The following HP1BP3 variants were observed in gnomAD, a reference collection of about 807,000 sequenced individuals.
The protein encoded by HP1BP3 is heterochromatin protein 1 binding protein 3.
A neutral mutation model predicts 62.5 loss-of-function variants in HP1BP3; 12 were observed. The observed-to-expected ratio is 0.19, with a 90% CI of 0.12 to 0.31. The LOEUF is 0.31. Among genes scored for constraint, HP1BP3 ranks in the 10% least tolerant of loss-of-function variants. HP1BP3 has a pLI of 1.00. For synonymous variants in HP1BP3, 260 were observed against 237.8 expected (o/e 1.09, Z -0.86); for missense variants, 502 against 651.8 (o/e 0.77, Z 2.50).
intron 4 of HP1BP3, chr1:20,773,884 A>G (rs867504674): frequency 1.2e-5 from 3 of 242,004 alleles, no homozygotes; most frequent in African/African-American, 6.7e-5. Context: ...AAGACAAATG[A>G]GAATTTTAAA....
chr1:20,786,759 G>A (rs900042680), intron 1 of HP1BP3: 1 of 152,264 alleles, frequency 6.6e-6, no homozygotes, highest in Non-Finnish European at 1.5e-5. Flanking sequence ...AAACCGCTGA[G>A]GGAGTGGGGT....
intron 5 of HP1BP3, among the ~76,000 whole-genome samples, chr1:20,771,769 C>G (rs1450145997): frequency 6.6e-6 from 1 of 152,148 alleles, no homozygotes; most frequent in Non-Finnish European, 1.5e-5. Flanking sequence ...TGGTCACTGA[C>G]TTGAAATCAA....
chr1:20,743,823 T>G lies in HP1BP3; in HGVS notation c.*974A>C, dbSNP rs1382960666. The G allele has an allele frequency of 2.0e-5, 3 of 152,000 alleles. No individual in the cohort carries two copies. The highest frequency in any genetic ancestry group is 7.3e-5 in the African/African-American group (3 of 41,318). 9.4% of individuals were successfully genotyped at this position (152,000 alleles called of 1,614,324 possible). A position where few individuals can be genotyped will look rare whatever the true frequency, so the allele number is the denominator to read the frequency against. On this transcript the variant is annotated 3_prime_UTR_variant, in exon 13 of 13. Transcript: ENST00000438032. The stretch of plus-strand genomic sequence containing the variant: ...TGGCTCACTCCTGTAATCCCAGCAC[T>G]TTGGGAGGCCGAGGCAGGCGGATCA...
chr1:20,761,300 C>G (rs1036465044), intron 8 of HP1BP3, among the ~76,000 whole-genome samples: 2 of 152,124 alleles, frequency 1.3e-5, no homozygotes, highest in African/African-American at 4.8e-5. Flanking sequence ...ACCTGCCTCC[C>G]AAAGTGCTGG....
At chr1:20,784,375 C>T (rs112694300) in intron 1 of HP1BP3, among the ~76,000 whole-genome samples, 182 of 152,186 alleles carry the variant, frequency 1.2e-3, no homozygotes, top group African/African-American at 4.3e-3. Context: ...GGTTCATTTG[C>T]TGCATACCTG....
chr1:20,760,451 G>C (rs1184922174), intron 8 of HP1BP3, among the ~76,000 whole-genome samples: 1 of 152,068 alleles, frequency 6.6e-6, no homozygotes. Flanking sequence ...CACAGTGGGA[G>C]GATCGTTTGA....
chr1:20,775,689 G>GTACCT (rs1453092919), intron 4 of HP1BP3: 10 of 294,172 alleles, frequency 3.4e-5, no homozygotes, highest in Non-Finnish European at 5.6e-5. Flanking sequence ...TATTTTTACT[G>GTACCT]TACCTTTTCT....
intron 5 of HP1BP3, among the ~76,000 whole-genome samples, chr1:20,771,772 G>A (rs2057071884): frequency 1.3e-5 from 2 of 152,108 alleles, no homozygotes; most frequent in Admixed American, 1.3e-4. Context: ...TCACTGACTT[G>A]AAATCAAATA....
intron 1 of HP1BP3, among the ~76,000 whole-genome samples, chr1:20,784,890 C>T (rs1570696748): frequency 1.3e-5 from 2 of 152,192 alleles, no homozygotes; most frequent in East Asian, 1.9e-4. Flanking sequence ...AATGTTACAA[C>T]AATAACAAAT....
chr1:20,764,056 T>C (rs1397812654), intron 8 of HP1BP3, among the ~76,000 whole-genome samples: 2 of 152,222 alleles, frequency 1.3e-5, no homozygotes, highest in Non-Finnish European at 2.9e-5. Context: ...TTTCTTCCTG[T>C]TTTTGTAAAT....
Position 20,784,378 on chromosome 1 carries a change from C to T in HP1BP3, c.-101+2817G>A, listed in dbSNP as rs750824723. ...TCTTATCTACCTGGTTCATTTGCTG[C>T]ATACCTGATGCCTAAGAACATACCA... On this transcript the variant is annotated intron_variant, in intron 1 of 12. Coordinates refer to ENST00000438032, the MANE Select transcript of HP1BP3 (RefSeq NM_001372052.1). 7.4e-4 allele frequency among the ~76,000 whole-genome samples: 112 copies of T among 152,056 alleles called. 1 individual carries two copies. The highest frequency in any genetic ancestry group is 1.2e-3 in the Non-Finnish European group (83 of 68,028).
At position 20,745,748 on chromosome 1, in the gene HP1BP3, C is replaced by T. The variant is rs922537532; in HGVS notation, c.1254-92G>A. 4.6e-6 allele frequency: 6 copies of T among 1,304,000 alleles called. No homozygotes were observed. The Admixed American group carries it at 6.5e-5, about 14-fold the overall frequency. 80.8% of individuals were successfully genotyped at this position (1,304,000 alleles called of 1,614,324 possible). Reference sequence around the variant, plus strand: ...GATGCTCTTACCTGGACATATCCCACTTCTTCCCACCCTTCCCAAAAATGT... The same window carrying T: ...GATGCTCTTACCTGGACATATCCCATTTCTTCCCACCCTTCCCAAAAATGT... On this transcript the variant is annotated intron_variant, in intron 11 of 12. Coordinates refer to ENST00000438032, the MANE Select transcript of HP1BP3 (RefSeq NM_001372052.1).
chr1:20,782,766 G>A (rs932243019), intron 1 of HP1BP3, among the ~76,000 whole-genome samples: 1 of 151,778 alleles, frequency 6.6e-6, no homozygotes, highest in African/African-American at 2.4e-5. Flanking sequence ...CGGGTGTGGT[G>A]GTGCGCGCCT....
At chr1:20,777,996 A>G (rs1376601182) in intron 3 of HP1BP3, among the ~76,000 whole-genome samples, 1 of 152,248 alleles carries the variant, frequency 6.6e-6, no homozygotes, top group Non-Finnish European at 1.5e-5. Flanking sequence ...ATTTTTCATC[A>G]TGATATATCT....
At chr1:20,786,747 G>T (rs943811345) in intron 1 of HP1BP3, 1 of 152,248 alleles carries the variant, frequency 6.6e-6, no homozygotes, top group Non-Finnish European at 1.5e-5. Context: ...AACCGGCTCC[G>T]AAAACCGCTG....
chr1:20,744,076 GACAACA>G lies in HP1BP3; in HGVS notation c.*715_*720del, dbSNP rs566739861. 2 of 151,968 alleles carry G rather than the reference GACAACA, an allele frequency of 1.3e-5. No individual in the cohort carries two copies. The highest frequency in any genetic ancestry group is 2.4e-5 in the African/African-American group (1 of 41,332). 9.4% of individuals were successfully genotyped at this position (151,968 alleles called of 1,614,324 possible). On this transcript the variant is annotated 3_prime_UTR_variant, in exon 13 of 13. Coordinates refer to ENST00000438032, the MANE Select transcript of HP1BP3 (RefSeq NM_001372052.1). ...CAAGACTCCGTCTCAAAACAACGAC[GACAACA>G]ACAACAACAACAAAAAACAAGTGAT...
chr1:20,779,322 G>T (rs1024726897), intron 3 of HP1BP3, among the ~76,000 whole-genome samples: 1 of 152,122 alleles, frequency 6.6e-6, no homozygotes, highest in Non-Finnish European at 1.5e-5. Flanking sequence ...ATGTTGATGG[G>T]TCTATGTTTC....
intron 2 of HP1BP3, 107 bp downstream of exon 2, chr1:20,780,238 C>G (rs2057482468): frequency 1.2e-6 from 1 of 801,844 alleles, no homozygotes; most frequent in African/African-American, 1.7e-5. Context: ...AATTCACAAC[C>G]TAGACTCCCC....
chr1:20,763,893 T>A (rs1570613830), intron 8 of HP1BP3, among the ~76,000 whole-genome samples: 1 of 152,224 alleles, frequency 6.6e-6, no homozygotes, highest in African/African-American at 2.4e-5. Flanking sequence ...TACATATGTA[T>A]GCATATATCT....
Sources: allele counts gnomAD v4.1 joint callset (sites outside exome capture counted in the v4.1 genomes callset), GRCh38; gene constraint gnomAD v4.1.1; transcripts MANE v1.5; gene names NCBI Gene and HGNC (gene_info 2026-07-23, HGNC 2026-07-21).